The following ZNF430 variants were observed in gnomAD, a reference collection of about 807,000 sequenced individuals.
ZNF430 encodes the protein zinc finger protein 430.
Under a neutral mutation model 56.7 loss-of-function variants are expected in ZNF430, and 35 were observed. The observed-to-expected ratio is 0.62, with a 90% confidence interval of 0.47 to 0.82. The LOEUF is 0.82. ZNF430 is among the 40% of genes least tolerant of loss of function. The pLI is 0.00. For missense variants in ZNF430, 574 were observed against 661.0 expected (o/e 0.87, Z 1.44); for synonymous variants, 212 against 224.3 (o/e 0.94, Z 0.49).
At chr19:21,024,045 C>T (rs1967747004) in intron 2 of ZNF430, among the ~76,000 whole-genome samples, 1 of 152,150 alleles carries the variant, frequency 6.6e-6, no homozygotes, top group South Asian at 2.1e-4. Flanking sequence ...GTGAGTAACT[C>T]TAACATAGAA....
At chr19:21,033,708 C>A in intron 3 of ZNF430, 126 bp downstream of exon 3, 2 of 1,168,558 alleles carry the variant, frequency 1.7e-6, no homozygotes, top group Non-Finnish European at 2.3e-6. Flanking sequence ...CTTAAGAAAA[C>A]CTTGAGGATT....
In ZNF430 at chr19:21,043,199, C is replaced by T. The variant is rs186598381; in HGVS notation, c.322+9015C>T. On this transcript the variant is annotated intron_variant, in intron 4 of 4. Coordinates refer to ENST00000261560, the MANE Select transcript of ZNF430 (RefSeq NM_025189.4). ...TTCATGATGAAATCTTTGTCCATGC[C>T]TATGTCCTGAATGGTATTGCCTAGA... 1.8e-4 allele frequency among the ~76,000 whole-genome samples: 27 copies of T among 152,266 alleles called. No individual in the cohort carries two copies. The East Asian group carries it at 1.9e-3, about 11-fold the overall frequency.
At chr19:21,033,247 A>G (rs372775159) in intron 2 of ZNF430, among the ~76,000 whole-genome samples, 26 of 152,010 alleles carry the variant, frequency 1.7e-4, no homozygotes, top group South Asian at 4.2e-4. Flanking sequence ...CCAGCTACTC[A>G]GGAGGCTGAG....
intron 4 of ZNF430, 117 bp from the exon 5 acceptor site, chr19:21,056,514 A>T: frequency 4.7e-5 from 33 of 695,620 alleles, no homozygotes; most frequent in Non-Finnish European, 8.5e-6. Flanking sequence ...TAGGGCCTTT[A>T]TTATTTTGCT....
chr19:21,043,784 T>C (rs530783530), intron 4 of ZNF430, among the ~76,000 whole-genome samples: 2 of 152,164 alleles, frequency 1.3e-5, no homozygotes, highest in Admixed American at 6.6e-5. Flanking sequence ...CAGTGGTTTG[T>C]GTTTTCCTTA....
intron 4 of ZNF430, among the ~76,000 whole-genome samples, chr19:21,051,931 G>C (rs1389354133): frequency 6.6e-6 from 1 of 151,690 alleles, no homozygotes; most frequent in Non-Finnish European, 1.5e-5. Context: ...TGTCTTTTGA[G>C]AGTCCATATG....
At chr19:21,055,059 T>G (rs1365012919) in intron 4 of ZNF430, among the ~76,000 whole-genome samples, 6 of 152,112 alleles carry the variant, frequency 3.9e-5, no homozygotes, top group African/African-American at 1.2e-4. Flanking sequence ...TTTTACATAT[T>G]TTTGTTCTTA....
At chr19:21,046,967 C>A (rs891385273) in intron 4 of ZNF430, among the ~76,000 whole-genome samples, 4 of 152,090 alleles carry the variant, frequency 2.6e-5, no homozygotes, top group Non-Finnish European at 5.9e-5. Context: ...ATTTAAGGTA[C>A]CCCAGTCAGT....
At chr19:21,040,138 G>A (rs775540781) in intron 4 of ZNF430, among the ~76,000 whole-genome samples, 48 of 152,186 alleles carry the variant, frequency 3.2e-4, no homozygotes, top group Non-Finnish European at 4.4e-4. Flanking sequence ...ACTCCCAGGT[G>A]GTATTCTTTA....
At chr19:21,024,221 A>C (rs551215851) in intron 2 of ZNF430, among the ~76,000 whole-genome samples, 2 of 152,276 alleles carry the variant, frequency 1.3e-5, no homozygotes, top group Non-Finnish European at 2.9e-5. Flanking sequence ...GAAGCTACAG[A>C]GTCCTGGAAA....
rs1968442223 is a variant in ZNF430 at position 21,059,981 on chromosome 19, A to T, written c.*1960A>T. 1 of 152,158 alleles carries T rather than the reference A, an allele frequency of 6.6e-6. No homozygotes were observed. Among genetic ancestry groups the T allele is most frequent in the South Asian group, 2.1e-4 (1 of 4,828 alleles). 9.4% of individuals were successfully genotyped at this position (152,158 alleles called of 1,614,324 possible). ...CATTTTTAATTTTATTTAAAATTAA[A>T]TGAAAATAAATTAGTATATTATTGT... On this transcript the variant is annotated 3_prime_UTR_variant, in exon 5 of 5. Transcript: ENST00000261560.
At position 21,022,288 on chromosome 19, in the gene ZNF430, G is replaced by A. The variant is rs537711234; in HGVS notation, c.4-501G>A. Among the ~76,000 whole-genome samples, 216 of 152,040 alleles carry A rather than the reference G, an allele frequency of 1.4e-3. 1 individual carries two copies. The highest frequency in any genetic ancestry group is 2.5e-3 in the Non-Finnish European group (171 of 67,974). On this transcript the variant is annotated intron_variant, in intron 1 of 4. Coordinates refer to ENST00000261560, the MANE Select transcript of ZNF430 (RefSeq NM_025189.4). ...AAGCAGGGTCTTAAGTCTAACCCCC[G>A]TCCCCCATTTCTCCAGCCTCACTCT...
At chr19:21,028,191 C>T (rs1967838249) in intron 2 of ZNF430, among the ~76,000 whole-genome samples, 1 of 152,296 alleles carries the variant, frequency 6.6e-6, no homozygotes, top group Non-Finnish European at 1.5e-5. Context: ...TCAACATAGA[C>T]ATCTTAAAGC....
chr19:21,049,256 A>G (rs1968240077), intron 4 of ZNF430, among the ~76,000 whole-genome samples: 1 of 150,698 alleles, frequency 6.6e-6, no homozygotes, highest in Non-Finnish European at 1.5e-5. Context: ...CTATACTGCT[A>G]TGTTTTCCAG....
intron 4 of ZNF430, among the ~76,000 whole-genome samples, chr19:21,042,036 CACTT>C (rs1217014896): frequency 3.3e-5 from 5 of 152,140 alleles, no homozygotes; most frequent in African/African-American, 1.2e-4. Context: ...GTTCGGCTCT[CACTT>C]ACGAGTGAGA....
chr19:21,034,512 TAA>T (rs1967959816), intron 4 of ZNF430: 1 of 207,918 alleles, frequency 4.8e-6, no homozygotes, highest in Non-Finnish European at 9.5e-6. Context: ...AACTCTATGT[TAA>T]ACTATTTTCT....
chr19:21,021,066 C>G (rs1348440278), intron 1 of ZNF430, among the ~76,000 whole-genome samples: 3 of 152,204 alleles, frequency 2.0e-5, no homozygotes, highest in African/African-American at 7.2e-5. Context: ...ATCCGCAGCG[C>G]CGCGTCTCTC....
At chr19:21,025,089 A>G (rs1206892089) in intron 2 of ZNF430, among the ~76,000 whole-genome samples, 1 of 152,202 alleles carries the variant, frequency 6.6e-6, no homozygotes, top group Non-Finnish European at 1.5e-5. Flanking sequence ...GAAAGAATTC[A>G]GGGTGAGTCT....
chr19:21,022,813 C>A lies in ZNF430; in HGVS notation c.28C>A (p.Pro10Thr). ...GGAGAACCTGAAGTCTGGAGTGTAT[C>A]CTCTCAAGGAAGCAAGTGGATGCCC... MENLKSGVY[P>T]LKEASGCPGA... The change falls in exon 2 of 5, where the codon CCT becomes ACT. Residue 10 changes from proline (P) to threonine (T), a missense_variant. Pro to Thr is a conservative substitution (Grantham distance 38). Transcript: ENST00000261560. 1 of 1,613,598 alleles carries A rather than the reference C, an allele frequency of 6.2e-7. No individual in the cohort carries two copies.
Sources: gnomAD v4.1 joint callset for allele counts (sites outside exome capture counted in the v4.1 genomes callset) on GRCh38, gnomAD v4.1.1 for gene constraint, MANE v1.5 for transcripts, NCBI Gene and HGNC (gene_info 2026-07-23, HGNC 2026-07-21) for gene names.